SLC12A1: variants seen among roughly 807,000 people sequenced by gnomAD.
SLC12A1 encodes Na-K-2Cl cotransporter.
Under a neutral mutation model 130.4 loss-of-function variants are expected in SLC12A1, and 89 were observed. The ratio of observed to expected loss-of-function variants is 0.68; its 90% CI spans 0.58 to 0.81. The LOEUF is 0.81. Ranked by LOEUF, SLC12A1 falls within the 40% of genes least tolerant of loss-of-function variation. The pLI, the probability that SLC12A1 is intolerant of heterozygous loss-of-function variation, is 0.00. For synonymous variants in SLC12A1, 499 were observed against 460.0 expected (o/e 1.08, Z -1.09); for missense variants, 1,310 against 1,336.4 (o/e 0.98, Z 0.31).
rs887939424 is a variant in SLC12A1, at chr15:48,230,450, A to T, written c.922A>T (p.Thr308Ser). Residue 308 changes from threonine to serine, a missense_variant, in exon 7 of 27, where the codon ACA becomes TCA. Thr to Ser is a moderately conservative substitution (Grantham distance 58). Transcript: ENST00000380993. ...TGACATCCGGATTATAGGCTCCATCACAGTGGTGATTCTTCTAGGAATTTC... is the reference window on the plus strand; with the variant it reads ...TGACATCCGGATTATAGGCTCCATCTCAGTGGTGATTCTTCTAGGAATTTC... Reference protein sequence around the residue: ...TNDIRIIGSITVVILLGISVA... With the variant: ...TNDIRIIGSISVVILLGISVA... The T allele has an allele frequency of 1.7e-5, 28 of 1,613,034 alleles. No individual in the cohort carries two copies. Among genetic ancestry groups the T allele is most frequent in the African/African-American group, 2.7e-5 (2 of 74,926 alleles).
intron 14 of SLC12A1, among the ~76,000 whole-genome samples, chr15:48,251,111 T>G (rs2041643286): frequency 6.6e-6 from 1 of 152,170 alleles, no homozygotes. Context: ...GGGCAAGCAC[T>G]GTCCTCTTAG....
chr15:48,291,923 T>C, intron 24 of SLC12A1, 59 bp downstream of exon 24: 1 of 1,083,762 alleles, frequency 9.2e-7, no homozygotes, highest in Non-Finnish European at 1.4e-6. Flanking sequence ...TTCTCTTTTG[T>C]GTTGATTATC....
rs1425284112 is a variant in SLC12A1 at position 48,226,490 on chromosome 15, A to G, written c.643A>G (p.Ile215Val). 3.1e-6 allele frequency: 5 copies of G among 1,593,680 alleles called. No homozygotes were observed. Among genetic ancestry groups the G allele is most frequent in the Non-Finnish European group, 3.4e-6 (4 of 1,169,470 alleles). The change falls in exon 5 of 27, where the codon ATA (isoleucine) becomes GTA (valine). Residue 215 changes from isoleucine (I) to valine (V), a missense_variant. By Grantham distance (29) the Ile-to-Val change is conservative. Transcript: ENST00000380993. ...ATTGCTAACAGGTCTTGGAGTTCTC[A>G]TAATTCTTCTTTCCACCATGGTAAC... The part of the protein sequence containing the change: ...GEAGIGLGVL[I>V]ILLSTMVTSI...
At chr15:48,210,194 T>G (rs1057231495) in intron 2 of SLC12A1, among the ~76,000 whole-genome samples, 2 of 152,086 alleles carry the variant, frequency 1.3e-5, no homozygotes, top group South Asian at 4.2e-4. Flanking sequence ...AGAAACAAAT[T>G]TAGGGCATTA....
rs1405560542 is a variant in SLC12A1 at position 48,207,642 on chromosome 15, T to C, written c.-78T>C. The C allele has an allele frequency of 2.4e-6, 3 of 1,276,488 alleles. No individual in the cohort carries two copies. Among genetic ancestry groups the C allele is most frequent in the Admixed American group, 6.0e-5 (2 of 33,414 alleles). The allele number at this position is 1,276,488 out of a possible 1,614,324, so 79.1% of individuals were successfully genotyped here. Reference sequence around the variant, plus strand: ...CTCCCTAATGGAAGCACATTAGTGTTTATTTTGATGAAGAAATATATAGAT... The same window carrying C: ...CTCCCTAATGGAAGCACATTAGTGTCTATTTTGATGAAGAAATATATAGAT... On this transcript the variant is annotated 5_prime_UTR_variant, in exon 2 of 27. Coordinates refer to ENST00000380993, the MANE Select transcript of SLC12A1 (RefSeq NM_000338.3).
At chr15:48,256,456 T>G (rs1332672793) in intron 16 of SLC12A1, among the ~76,000 whole-genome samples, 1 of 152,204 alleles carries the variant, frequency 6.6e-6, no homozygotes, top group Non-Finnish European at 1.5e-5. Context: ...TTAGTCCATT[T>G]TCATACTGCT....
At chr15:48,244,999 T>G (rs2041561411) in intron 11 of SLC12A1, 95 bp downstream of exon 11, 2 of 1,148,984 alleles carry the variant, frequency 1.7e-6, no homozygotes, top group Non-Finnish European at 2.5e-6. Context: ...TGATTGATTA[T>G]TGGCTGATAA....
chr15:48,272,900 G>A (rs999773683), intron 19 of SLC12A1, among the ~76,000 whole-genome samples: 2 of 151,920 alleles, frequency 1.3e-5, no homozygotes, highest in Admixed American at 6.6e-5. Context: ...TTGAGGTCTC[G>A]AGTTTGAGAC....
intron 26 of SLC12A1, among the ~76,000 whole-genome samples, chr15:48,302,356 C>T (rs559956049): frequency 1.1e-4 from 16 of 151,256 alleles, no homozygotes; most frequent in African/African-American, 2.4e-4. Flanking sequence ...CGCGGTGGCT[C>T]ACGCCTGCAA....
chr15:48,285,301 G>T (rs2042046226), intron 21 of SLC12A1, 52 bp downstream of exon 21: 1 of 1,572,136 alleles, frequency 6.4e-7, no homozygotes, highest in South Asian at 1.1e-5. Context: ...GTCACTATTT[G>T]AGCATCTATG....
chr15:48,270,750 G>GTATA (rs71458477), intron 19 of SLC12A1, among the ~76,000 whole-genome samples: 1 of 1,050 alleles, frequency 9.5e-4, no homozygotes, highest in Non-Finnish European at 2.7e-3. Context: ...GTGTATGTGT[G>GTATA]TATATATATA....
intron 20 of SLC12A1, among the ~76,000 whole-genome samples, chr15:48,280,478 T>C (rs1204349233): frequency 6.6e-6 from 1 of 152,218 alleles, no homozygotes; most frequent in Non-Finnish European, 1.5e-5. Context: ...GTTGAGGTTA[T>C]AAACATCTTG....
At chr15:48,288,615 T>G in intron 23 of SLC12A1, 99 bp downstream of exon 23, 1 of 640,876 alleles carries the variant, frequency 1.6e-6, no homozygotes, top group Non-Finnish European at 2.8e-6. Flanking sequence ...CACAATAGAC[T>G]CAAAGACAAA....
At position 48,301,375 on chromosome 15, in the gene SLC12A1, A is replaced by G; in HGVS notation, c.3157A>G (p.Ile1053Val). 6.4e-7 allele frequency: 1 copy of G among 1,566,552 alleles called. No homozygotes were observed. Among genetic ancestry groups the G allele is most frequent in the Non-Finnish European group, 8.7e-7 (1 of 1,146,818 alleles). ...LQEHSRAANL[I>V]VLSLPVARKG... ...GGAGCACTCCAGAGCTGCTAATCTC[A>G]TTGTCCTGTAAGTATCATTGCAAGC... The change falls in exon 26 of 27, where the codon ATT becomes GTT. Residue 1053 changes from isoleucine to valine, a missense_variant. Coordinates refer to ENST00000380993, the MANE Select transcript of SLC12A1 (RefSeq NM_000338.3).
In SLC12A1 at chr15:48,251,648, G is replaced by A; in HGVS notation, c.1820G>A (p.Trp607Ter). The A allele has an allele frequency of 1.2e-6, 2 of 1,613,694 alleles. No individual in the cohort carries two copies. The highest frequency in any genetic ancestry group is 1.7e-6 in the Non-Finnish European group (2 of 1,179,686). ...CCTGCGTATGGAATTTACAACATGT[G>A]GGTATCTCTTTTTGGAGCTGTTTTG... ...WRPAYGIYNM[W>*]VSLFGAVLCC... Residue 607 changes from tryptophan (W) to a stop codon, truncating the protein, a stop_gained, in exon 15 of 27, where the codon TGG becomes TAG. Coordinates refer to ENST00000380993, the MANE Select transcript of SLC12A1 (RefSeq NM_000338.3). LOFTEE classifies it high-confidence loss of function.
chr15:48,291,804 G>A lies in SLC12A1; in HGVS notation c.2900G>A (p.Arg967Lys). 1 of 1,566,888 alleles carries A rather than the reference G, an allele frequency of 6.4e-7. No homozygotes were observed. Among genetic ancestry groups the A allele is most frequent in the Non-Finnish European group, 8.7e-7 (1 of 1,153,944 alleles). The change falls in exon 24 of 27, where the codon AGG becomes AAG. Residue 967 changes from arginine (R) to lysine (K), a missense_variant. By Grantham distance (26) the Arg-to-Lys change is conservative. Transcript: ENST00000380993. ...IVMASLLSKF[R>K]IKFADIHIIG... Reference sequence around the variant, plus strand: ...ATGGCTTCCCTTCTGAGCAAATTTAGGATAAAATTTGCAGACATCCATATC... The same window carrying A: ...ATGGCTTCCCTTCTGAGCAAATTTAAGATAAAATTTGCAGACATCCATATC...
rs772873820 is a variant in SLC12A1 at position 48,301,368 on chromosome 15, T to G, written c.3150T>G (p.Ala1050=). 2 of 1,591,670 alleles carry G rather than the reference T, an allele frequency of 1.3e-6. No homozygotes were observed. The highest frequency in any genetic ancestry group is 3.5e-5 in the Admixed American group (2 of 57,372). Residue 1050 remains alanine (A), a synonymous_variant, in exon 26 of 27, where the codon GCT becomes GCG. Coordinates refer to ENST00000380993, the MANE Select transcript of SLC12A1 (RefSeq NM_000338.3). ...TCTTACAGGAGCACTCCAGAGCTGC[T>G]AATCTCATTGTCCTGTAAGTATCAT... is the stretch of plus-strand genomic sequence containing the variant. The part of the protein sequence containing the change: ...NELLQEHSRA[A]NLIVLSLPVA...
chr15:48,232,583 G>A, intron 7 of SLC12A1, 144 bp from the exon 8 acceptor site: 4 of 663,078 alleles, frequency 6.0e-6, no homozygotes, highest in Non-Finnish European at 1.1e-5. Flanking sequence ...TAATAAGGAT[G>A]CATGTATTAC....
At chr15:48,252,667 T>C (rs934097648) in intron 15 of SLC12A1, among the ~76,000 whole-genome samples, 2 of 151,954 alleles carry the variant, frequency 1.3e-5, no homozygotes, top group African/African-American at 4.8e-5. Flanking sequence ...ATTTAACAAA[T>C]ATTTTTTAAA....
Sources: allele counts gnomAD v4.1 joint callset (sites outside exome capture counted in the v4.1 genomes callset), GRCh38; gene constraint gnomAD v4.1.1; transcripts MANE v1.5; gene names NCBI Gene and HGNC (gene_info 2026-07-23, HGNC 2026-07-21).